The following APBA1 variants were observed in gnomAD, a reference collection of about 807,000 sequenced individuals.
APBA1 encodes the protein amyloid beta precursor protein binding family A member 1.
Under a neutral mutation model 86.6 loss-of-function variants are expected in APBA1, and 55 were observed. That is an observed-to-expected ratio of 0.64 (90% confidence interval 0.51 to 0.80). The LOEUF is 0.80. Among genes scored for constraint, APBA1 ranks in the 30% least tolerant of loss-of-function variants. The probability of loss-of-function intolerance (pLI) is 0.00; values close to 1 mark genes in which losing one functional copy is unlikely to be tolerated. For missense variants in APBA1, 1,090 were observed against 1,183.0 expected (o/e 0.92, Z 1.15); for synonymous variants, 511 against 493.9 (o/e 1.03, Z -0.46).
At chr9:69,665,175 T>G (rs1823821723) in intron 1 of APBA1, among the ~76,000 whole-genome samples, 1 of 152,210 alleles carries the variant, frequency 6.6e-6, no homozygotes, top group African/African-American at 2.4e-5. Context: ...AGACCCCACT[T>G]TCTCCACTGC....
rs1255718045 is a variant in APBA1, at chr9:69,620,576, C to T, written c.-70+51577G>A. ...CCTGTAGTCCTAGCTACTTGGGAGG[C>T]TGAGGCAGGAGAATTGCTTGAACCC... On this transcript the variant is annotated intron_variant, in intron 1 of 12. Coordinates refer to ENST00000265381, the MANE Select transcript of APBA1 (RefSeq NM_001163.4). 4.6e-5 allele frequency among the ~76,000 whole-genome samples: 7 copies of T among 152,284 alleles called. No homozygotes were observed. In the East Asian group the frequency reaches 1.4e-3, roughly 29 times the overall value.
intron 1 of APBA1, among the ~76,000 whole-genome samples, chr9:69,666,686 A>G (rs1823846543): frequency 6.6e-6 from 1 of 152,224 alleles, no homozygotes; most frequent in Non-Finnish European, 1.5e-5. Flanking sequence ...ACCTGGAATC[A>G]TGACATAATC....
intron 1 of APBA1, among the ~76,000 whole-genome samples, chr9:69,593,056 C>T (rs1211297596): frequency 6.6e-6 from 1 of 152,210 alleles, no homozygotes; most frequent in African/African-American, 2.4e-5. Flanking sequence ...CATTCAAATA[C>T]TGCAGAGTAA....
At chr9:69,635,309 G>A (rs1281735282) in intron 1 of APBA1, among the ~76,000 whole-genome samples, 3 of 151,984 alleles carry the variant, frequency 2.0e-5, no homozygotes, top group Admixed American at 2.0e-4. Context: ...TTAAAATAAT[G>A]AGTGTATTAT....
chr9:69,614,077 G>C (rs1375987266), intron 1 of APBA1, among the ~76,000 whole-genome samples: 1 of 152,028 alleles, frequency 6.6e-6, no homozygotes, highest in Non-Finnish European at 1.5e-5. Context: ...TAAGGTTTTT[G>C]TTTGTTTGCT....
intron 3 of APBA1, among the ~76,000 whole-genome samples, 196 bp downstream of exon 3, chr9:69,475,852 C>A (rs2133838692): frequency 6.6e-6 from 1 of 152,308 alleles, no homozygotes; most frequent in African/African-American, 2.4e-5. Context: ...TAATTAGGCA[C>A]CTGCAGCCAG....
At chr9:69,661,951 C>A (rs1823759922) in intron 1 of APBA1, among the ~76,000 whole-genome samples, 1 of 151,870 alleles carries the variant, frequency 6.6e-6, no homozygotes, top group African/African-American at 2.4e-5. Flanking sequence ...AAATAAACTT[C>A]TTTTCTTTGT....
At chr9:69,605,716 C>T (rs1043362394) in intron 1 of APBA1, among the ~76,000 whole-genome samples, 2 of 152,206 alleles carry the variant, frequency 1.3e-5, no homozygotes, top group Non-Finnish European at 2.9e-5. Flanking sequence ...GACACTGAAA[C>T]CTCACAGCAG....
At chr9:69,653,167 A>C (rs1248313788) in intron 1 of APBA1, among the ~76,000 whole-genome samples, 1 of 152,184 alleles carries the variant, frequency 6.6e-6, no homozygotes, top group Non-Finnish European at 1.5e-5. Flanking sequence ...CCTATGTTAG[A>C]GAAAGTAGAT....
intron 1 of APBA1, among the ~76,000 whole-genome samples, chr9:69,629,486 C>G (rs540186705): frequency 5.9e-5 from 9 of 152,242 alleles, no homozygotes; most frequent in Non-Finnish European, 1.0e-4. Context: ...ATGATGACAA[C>G]AAGTTGCATA....
chr9:69,576,463 C>T (rs1383031496), intron 1 of APBA1, among the ~76,000 whole-genome samples: 3 of 152,138 alleles, frequency 2.0e-5, no homozygotes, highest in African/African-American at 7.2e-5. Flanking sequence ...ACCCAAATGT[C>T]CAACAATGAC....
intron 1 of APBA1, among the ~76,000 whole-genome samples, chr9:69,648,694 C>G (rs1002660696): frequency 1.3e-5 from 2 of 152,188 alleles, no homozygotes. Context: ...AATCCAAGCA[C>G]TCTAACTCCT....
chr9:69,629,097 T>C (rs1822989413), intron 1 of APBA1, among the ~76,000 whole-genome samples: 1 of 152,116 alleles, frequency 6.6e-6, no homozygotes, highest in African/African-American at 2.4e-5. Context: ...CTTCAGAATA[T>C]GTGACCCCTA....
Position 69,446,693 on chromosome 9 carries a change from G to T in APBA1, c.2181+2891C>A, listed in dbSNP as rs543503296. Among the ~76,000 whole-genome samples the T allele has an allele frequency of 4.6e-5, 7 of 152,328 alleles. 1 individual carries two copies. In the East Asian group the frequency reaches 9.7e-4, roughly 21 times the overall value. ...TAAGGAAGGAGCGATTCGCAGGAGG[G>T]TGGGGACTCACTGGCCAGCTGGGGG... On this transcript the variant is annotated intron_variant, in intron 10 of 12. Coordinates refer to ENST00000265381, the MANE Select transcript of APBA1 (RefSeq NM_001163.4).
chr9:69,450,710 G>C (rs1481407836), intron 9 of APBA1, among the ~76,000 whole-genome samples: 1 of 152,096 alleles, frequency 6.6e-6, no homozygotes, highest in African/African-American at 2.4e-5. Context: ...TTTATTTGGA[G>C]ATAAGGTCTT....
chr9:69,523,532 T>C (rs3897760), intron 1 of APBA1, among the ~76,000 whole-genome samples: 2,402 of 46,962 alleles, frequency 0.051, 92 homozygotes, highest in African/African-American at 0.14. Context: ...TATATATATA[T>C]AGACACACAC....
intron 1 of APBA1, among the ~76,000 whole-genome samples, chr9:69,661,499 C>G (rs1365001563): frequency 6.6e-6 from 1 of 152,182 alleles, no homozygotes; most frequent in African/African-American, 2.4e-5. Context: ...CTGTTGATGG[C>G]TAATTATGGC....
intron 1 of APBA1, among the ~76,000 whole-genome samples, chr9:69,526,042 T>C (rs1836336996): frequency 6.6e-6 from 1 of 152,060 alleles, no homozygotes; most frequent in Non-Finnish European, 1.5e-5. Flanking sequence ...CAGACCCCTA[T>C]TTTCCACCAT....
intron 1 of APBA1, among the ~76,000 whole-genome samples, chr9:69,590,977 C>T (rs1414286033): frequency 6.6e-6 from 1 of 152,122 alleles, no homozygotes; most frequent in African/African-American, 2.4e-5. Flanking sequence ...CTGAATAGAC[C>T]CGTGAAGAAA....
Sources: gnomAD v4.1 joint callset for allele counts (sites outside exome capture counted in the v4.1 genomes callset) on GRCh38, gnomAD v4.1.1 for gene constraint, MANE v1.5 for transcripts, NCBI Gene and HGNC (gene_info 2026-07-23, HGNC 2026-07-21) for gene names.